Variants in ADORA2B observed in about 807,000 individuals in gnomAD.
The protein encoded by ADORA2B is adenosine A2b receptor.
ADORA2B carries 18 observed loss-of-function variants against 20.8 expected under a neutral mutation model. That is an observed-to-expected ratio of 0.87 (90% confidence interval 0.60 to 1.29). ADORA2B has a LOEUF of 1.29. Ranked by LOEUF, ADORA2B falls within the 50% of genes most tolerant of loss-of-function variation. The pLI is 0.00. For missense variants in ADORA2B, 441 were observed against 422.7 expected, an observed-to-expected ratio of 1.04 and a Z score of -0.38; for synonymous variants, 179 against 178.3, an observed-to-expected ratio of 1.00 and a Z score of -0.03.
chr17:15,939,076 C>T, the ADORA2B span, among the ~76,000 whole-genome samples: 60 of 152,168 alleles, frequency 3.9e-4, no homozygotes, highest in African/African-American at 1.3e-3. Context: ...AGTCTCTCAC[C>T]GTTGCCCAGG....
chr17:15,875,347 A>C, the ADORA2B span, among the ~76,000 whole-genome samples: 1 of 152,046 alleles, frequency 6.6e-6, no homozygotes, highest in East Asian at 1.9e-4. Flanking sequence ...TTCATTTTAG[A>C]TGTTATATTT....
Position 15,975,083 on chromosome 17 carries a change from G to T in ADORA2B, c.740G>T (p.Trp247Leu). Reference protein sequence around the residue: ...AMIVGIFALCWLPVHAVNCVT... With the variant: ...AMIVGIFALCLLPVHAVNCVT... ...ATTGTGGGGATTTTTGCCCTGTGCTGGTTACCTGTGCATGCTGTTAACTGT... is the reference window on the plus strand; with the variant it reads ...ATTGTGGGGATTTTTGCCCTGTGCTTGTTACCTGTGCATGCTGTTAACTGT... The change falls in exon 2 of 2, where the codon TGG becomes TTG. Residue 247 changes from tryptophan (W) to leucine (L), a missense_variant. Transcript: ENST00000304222. 5 of 1,614,130 alleles carry T rather than the reference G, an allele frequency of 3.1e-6. No homozygotes were observed. Among genetic ancestry groups the T allele is most frequent in the Non-Finnish European group, 4.2e-6 (5 of 1,180,014 alleles).
intron 1 of ADORA2B, among the ~76,000 whole-genome samples, chr17:15,948,404 G>GGTGGGGGGGGGGC (rs1555586296): frequency 4.6e-5 from 1 of 21,894 alleles, no homozygotes; most frequent in African/African-American, 6.5e-5. Flanking sequence ...CTGGCGGCGG[G>GGTGGGGGGGGGGC]GGGCTCCAGT....
chr17:15,874,549 A>G, the ADORA2B span, among the ~76,000 whole-genome samples: 1,265 of 151,766 alleles, frequency 8.3e-3, 7 homozygotes, highest in Non-Finnish European at 0.013. Flanking sequence ...AATAATAAGC[A>G]GGCGTGGTGG....
At chr17:15,912,795 C>T in the ADORA2B span, among the ~76,000 whole-genome samples, 2 of 152,252 alleles carry the variant, frequency 1.3e-5, no homozygotes, top group African/African-American at 4.8e-5. Flanking sequence ...TCCGTATTTG[C>T]CACTGTTTGG....
the ADORA2B span, among the ~76,000 whole-genome samples, chr17:15,862,821 T>C: frequency 7.0e-6 from 1 of 143,614 alleles, no homozygotes; most frequent in Non-Finnish European, 1.6e-5. Context: ...TTTTTTTTTT[T>C]TGGGAGACAG....
At chr17:15,947,599 C>T (rs1969825490) in intron 1 of ADORA2B, among the ~76,000 whole-genome samples, 1 of 152,190 alleles carries the variant, frequency 6.6e-6, no homozygotes, top group East Asian at 1.9e-4. Context: ...AAGAGGTGCA[C>T]AGGCAGTCCC....
At chr17:15,939,640 A>G in the ADORA2B span, among the ~76,000 whole-genome samples, 1 of 152,002 alleles carries the variant, frequency 6.6e-6, no homozygotes, top group Non-Finnish European at 1.5e-5. Flanking sequence ...CGGGCAGATC[A>G]TGAGGTCAGG....
chr17:15,941,675 C>G (rs934777806), upstream of ADORA2B, among the ~76,000 whole-genome samples: 9 of 148,470 alleles, frequency 6.1e-5, no homozygotes, highest in Admixed American at 5.4e-4. Context: ...CTGCAGTAAG[C>G]TATGATCCCA....
At chr17:15,952,922 C>T (rs778806599) in intron 1 of ADORA2B, among the ~76,000 whole-genome samples, 1 of 152,248 alleles carries the variant, frequency 6.6e-6, no homozygotes, top group East Asian at 1.9e-4. Flanking sequence ...CTGGAGACAG[C>T]GCCACGGGCA....
At chr17:15,968,723 A>G (rs1970150083) in intron 1 of ADORA2B, among the ~76,000 whole-genome samples, 1 of 152,204 alleles carries the variant, frequency 6.6e-6, no homozygotes, top group Non-Finnish European at 1.5e-5. Flanking sequence ...CAGGCACATC[A>G]TGTAGCCTTT....
chr17:15,969,830 G>A (rs556620532), intron 1 of ADORA2B, among the ~76,000 whole-genome samples: 1 of 152,296 alleles, frequency 6.6e-6, no homozygotes, highest in East Asian at 1.9e-4. Context: ...CTCTGGCCAG[G>A]TGACCTTTAT....
chr17:15,895,977 C>G, the ADORA2B span, among the ~76,000 whole-genome samples: 40 of 152,326 alleles, frequency 2.6e-4, no homozygotes, highest in African/African-American at 9.6e-4. Context: ...GCAACTCCAC[C>G]TGCCAGTCCA....
At chr17:15,934,523 C>A in the ADORA2B span, among the ~76,000 whole-genome samples, 1 of 152,170 alleles carries the variant, frequency 6.6e-6, no homozygotes, top group African/African-American at 2.4e-5. Flanking sequence ...CGCGCCCGAC[C>A]TCTATATATC....
chr17:15,934,951 C>T, the ADORA2B span, among the ~76,000 whole-genome samples: 4 of 152,074 alleles, frequency 2.6e-5, no homozygotes, highest in South Asian at 2.1e-4. Context: ...GGACCACAAG[C>T]GCATGCCACC....
chr17:15,856,430 A>G, the ADORA2B span, among the ~76,000 whole-genome samples: 5 of 152,104 alleles, frequency 3.3e-5, no homozygotes, highest in Non-Finnish European at 7.3e-5. Flanking sequence ...GTGAAAACTG[A>G]CTAATAGTGT....
At chr17:15,905,448 C>T in the ADORA2B span, among the ~76,000 whole-genome samples, 24 of 152,078 alleles carry the variant, frequency 1.6e-4, no homozygotes, top group Non-Finnish European at 3.1e-4. Context: ...TGGCGCAATC[C>T]TGACTCACTG....
intron 1 of ADORA2B, among the ~76,000 whole-genome samples, chr17:15,962,818 CCT>C (rs1555588980): frequency 2.6e-5 from 4 of 152,188 alleles, no homozygotes; most frequent in African/African-American, 7.2e-5. Flanking sequence ...GCGCCCGGCC[CCT>C]GTTATTTATT....
chr17:15,888,160 A>G, the ADORA2B span, among the ~76,000 whole-genome samples: 1 of 127,538 alleles, frequency 7.8e-6, no homozygotes, highest in East Asian at 2.1e-4. Context: ...CATGTGATTC[A>G]CTCCTTTGCA....
Sources: allele counts gnomAD v4.1 joint callset (sites outside exome capture counted in the v4.1 genomes callset), GRCh38; gene constraint gnomAD v4.1.1; transcripts MANE v1.5; gene names NCBI Gene and HGNC (gene_info 2026-07-23, HGNC 2026-07-21).